The following DOCK11 variants were observed in gnomAD, a reference collection of about 807,000 sequenced individuals.
DOCK11 encodes dedicator of cytokinesis protein 11.
Under a neutral mutation model 169.1 loss-of-function variants are expected in DOCK11, and 70 were observed. That is an observed-to-expected ratio of 0.41 (90% CI 0.34 to 0.51). The LOEUF is 0.51. Among genes scored for constraint, DOCK11 ranks in the 20% least tolerant of loss-of-function variants. The pLI is 0.10. For missense variants in DOCK11, 1,166 were observed against 1,538.8 expected (o/e 0.76, Z 4.05); for synonymous variants, 529 against 541.3 (o/e 0.98, Z 0.32).
At chrX:118,575,822 G>A (rs770214455) in intron 12 of DOCK11, among the ~76,000 whole-genome samples, 25 of 112,244 alleles carry the variant, frequency 2.2e-4, no homozygotes, top group Non-Finnish European at 3.8e-4. Flanking sequence ...TGTATTTCCC[G>A]TATTACTTCA....
intron 23 of DOCK11, among the ~76,000 whole-genome samples, chrX:118,601,346 C>G (rs2014330751): frequency 9.3e-6 from 1 of 107,997 alleles, no homozygotes; most frequent in African/African-American, 3.4e-5. Context: ...ATCGTTTGAG[C>G]CTGGGAGGTT....
At chrX:118,621,636 T>C (rs1410202650) in intron 31 of DOCK11, among the ~76,000 whole-genome samples, 1 of 110,778 alleles carries the variant, frequency 9.0e-6, no homozygotes, top group African/African-American at 3.3e-5. Flanking sequence ...TAGCAATATC[T>C]CTCTCTTTTT....
chrX:118,605,829 C>A (rs2014483091), intron 24 of DOCK11, among the ~76,000 whole-genome samples: 1 of 111,987 alleles, frequency 8.9e-6, no homozygotes, highest in Non-Finnish European at 1.9e-5. Context: ...TTCCTTATTA[C>A]TTTTCTGTCT....
At chrX:118,516,781 G>T (rs1256427048) in intron 1 of DOCK11, among the ~76,000 whole-genome samples, 2 of 111,655 alleles carry the variant, frequency 1.8e-5, no homozygotes, top group Admixed American at 1.9e-4. Context: ...ATTATGAAAT[G>T]GCATGCAAAG....
chrX:118,590,372 C>T, intron 19 of DOCK11, 70 bp downstream of exon 19: 1 of 878,744 alleles, frequency 1.1e-6, no homozygotes. Flanking sequence ...GAATCATTTT[C>T]ATCATTTTAC....
chrX:118,679,890 A>G (rs1335981537), intron 48 of DOCK11, among the ~76,000 whole-genome samples: 4 of 105,697 alleles, frequency 3.8e-5, no homozygotes, highest in African/African-American at 3.5e-5. Flanking sequence ...GTGAATAATG[A>G]TCATTGCTGG....
intron 37 of DOCK11, 112 bp downstream of exon 37, chrX:118,638,239 C>T (rs1326694094): frequency 1.5e-6 from 1 of 665,891 alleles, no homozygotes; most frequent in South Asian, 2.5e-5. Flanking sequence ...CATTGGGATA[C>T]CGGTGATTTA....
chrX:118,544,554 AAAAAAG>A (rs1368348776), intron 4 of DOCK11, among the ~76,000 whole-genome samples: 9 of 109,730 alleles, frequency 8.2e-5, no homozygotes, highest in African/African-American at 2.3e-4. Context: ...CCTTGGGAAA[AAAAAAG>A]AAAAAGAAAA....
chrX:118,656,312 A>T (rs1220565605), intron 44 of DOCK11, among the ~76,000 whole-genome samples: 4 of 111,487 alleles, frequency 3.6e-5, no homozygotes, highest in Non-Finnish European at 5.7e-5. Flanking sequence ...TAAATTTTTT[A>T]AAAAAGATTC....
At chrX:118,588,715 T>C (rs1307841647) in intron 18 of DOCK11, among the ~76,000 whole-genome samples, 1 of 112,556 alleles carries the variant, frequency 8.9e-6, no homozygotes, top group African/African-American at 3.2e-5. Flanking sequence ...TTGCTCCTTT[T>C]TGATTTTGCA....
chrX:118,578,233 G>A (rs547480888), intron 12 of DOCK11, among the ~76,000 whole-genome samples: 2 of 111,702 alleles, frequency 1.8e-5, no homozygotes, highest in African/African-American at 6.5e-5. Flanking sequence ...AGTTCCACTC[G>A]AGAAATGTAC....
chrX:118,572,282 C>T, intron 10 of DOCK11, 41 bp from the exon 11 acceptor site: 1 of 1,084,912 alleles, frequency 9.2e-7, no homozygotes, highest in African/African-American at 1.8e-5. Context: ...AATATGAATC[C>T]CATCTTTTTT....
At chrX:118,681,917 T>C in intron 51 of DOCK11, 123 bp downstream of exon 51, 3 of 471,962 alleles carry the variant, frequency 6.4e-6, no homozygotes, top group South Asian at 5.7e-5. Context: ...TGTGGTCTTT[T>C]ACAATATCTA....
rs750863872 is a variant in DOCK11, at chrX:118,545,275, T to C, written c.393-48T>C. 20 of 931,079 alleles carry C rather than the reference T, an allele frequency of 2.1e-5. No homozygotes were observed. The African/African-American group carries it at 3.9e-4, about 18-fold the overall frequency. The allele number at this position is 931,079 out of a possible 1,213,427, so 76.7% of individuals were successfully genotyped here. A position where few individuals can be genotyped will look rare whatever the true frequency, so the allele number is the denominator to read the frequency against. ...TTGTGTTTTTGTGTTGTTTTTCTTTTTTTTTTTGGTCTTTTTAGTGTCTAA... is the reference window on the plus strand; with the variant it reads ...TTGTGTTTTTGTGTTGTTTTTCTTTCTTTTTTTGGTCTTTTTAGTGTCTAA... On this transcript the variant is annotated intron_variant, in intron 4 of 52. Transcript: ENST00000276202.
intron 33 of DOCK11, 52 bp from the exon 34 acceptor site, chrX:118,628,111 T>C: frequency 1.3e-6 from 1 of 768,101 alleles, no homozygotes; most frequent in Non-Finnish European, 2.0e-6. Context: ...TTTAAATATT[T>C]CTGACAGTTC....
At chrX:118,612,980 C>G (rs1170175058) in intron 28 of DOCK11, among the ~76,000 whole-genome samples, 3 of 111,621 alleles carry the variant, frequency 2.7e-5, no homozygotes, top group Non-Finnish European at 5.7e-5. Context: ...TCAGGGCAAC[C>G]GATTAGAAAA....
intron 1 of DOCK11, among the ~76,000 whole-genome samples, chrX:118,500,201 G>GCCACGCCCGGCT (rs2147302420): frequency 9.2e-6 from 1 of 108,623 alleles, no homozygotes; most frequent in Non-Finnish European, 1.9e-5. Context: ...GGCGCCCGCC[G>GCCACGCCCGGCT]CCACGCCCGG....
At chrX:118,507,730 G>A (rs1237707597) in intron 1 of DOCK11, among the ~76,000 whole-genome samples, 1 of 111,851 alleles carries the variant, frequency 8.9e-6, no homozygotes, top group East Asian at 2.8e-4. Context: ...TCTATCTGTG[G>A]CCTCATATGT....
chrX:118,556,291 C>T (rs895185123), intron 6 of DOCK11, among the ~76,000 whole-genome samples: 5 of 107,446 alleles, frequency 4.7e-5, no homozygotes, highest in African/African-American at 6.8e-5. Flanking sequence ...GTGATCCACC[C>T]GCCTCGGCAT....
Sources: allele counts gnomAD v4.1 joint callset (sites outside exome capture counted in the v4.1 genomes callset), GRCh38; gene constraint gnomAD v4.1.1; transcripts MANE v1.5; gene names NCBI Gene and HGNC (gene_info 2026-07-23, HGNC 2026-07-21).